Variants in KCNN3 observed in about 807,000 individuals in gnomAD.
The protein encoded by KCNN3 is potassium calcium-activated channel subfamily N member 3, also known as small conductance calcium-activated potassium channel protein 3.
KCNN3 carries 16 observed loss-of-function variants against 62.9 expected under a neutral mutation model. The ratio of observed to expected loss-of-function variants is 0.25; its 90% CI spans 0.17 to 0.39. The LOEUF (loss-of-function observed/expected upper bound fraction) is 0.39. Among genes scored for constraint, KCNN3 ranks in the 10% least tolerant of loss-of-function variants. The pLI is 1.00. For missense variants in KCNN3, 599 were observed against 949.4 expected, an observed-to-expected ratio of 0.63 and a Z score of 4.85; for synonymous variants, 370 against 389.2, an observed-to-expected ratio of 0.95 and a Z score of 0.58.
chr1:154,868,175 G>A (rs1653025261), intron 1 of KCNN3: 1 of 985,416 alleles, frequency 1.0e-6, no homozygotes, highest in Admixed American at 6.1e-5. Context: ...GGGACCGCCT[G>A]GGAAGCCCTG....
At chr1:154,831,762 C>G (rs948626080) in intron 1 of KCNN3, among the ~76,000 whole-genome samples, 1 of 152,068 alleles carries the variant, frequency 6.6e-6, no homozygotes, top group African/African-American at 2.4e-5. Context: ...GGCTCTTTTT[C>G]AAAGATCTGC....
At chr1:154,821,549 C>A (rs923937588) in intron 2 of KCNN3, among the ~76,000 whole-genome samples, 1 of 152,218 alleles carries the variant, frequency 6.6e-6, no homozygotes, top group Admixed American at 6.5e-5. Flanking sequence ...GAAACAGAGG[C>A]CTTCTCGGCC....
chr1:154,747,479 G>T (rs1211138457), intron 3 of KCNN3, among the ~76,000 whole-genome samples: 1 of 152,174 alleles, frequency 6.6e-6, no homozygotes, highest in Non-Finnish European at 1.5e-5. Flanking sequence ...GTAGTTGAAG[G>T]ATTGACATTT....
chr1:154,821,793 G>C, intron 2 of KCNN3, among the ~76,000 whole-genome samples: 1 of 152,254 alleles, frequency 6.6e-6, no homozygotes, highest in East Asian at 1.9e-4. Context: ...GTCCGATGGT[G>C]CTCAGTGAGG....
intron 7 of KCNN3, among the ~76,000 whole-genome samples, chr1:154,710,648 G>C (rs970071106): frequency 1.3e-5 from 2 of 152,216 alleles, no homozygotes; most frequent in East Asian, 1.9e-4. Flanking sequence ...AGAAATGCAG[G>C]CTTGAAAGTT....
intron 7 of KCNN3, among the ~76,000 whole-genome samples, chr1:154,709,965 T>C (rs552084263): frequency 2.6e-5 from 4 of 152,354 alleles, no homozygotes; most frequent in East Asian, 1.9e-4. Context: ...TCCTCATCTA[T>C]ATTGATAATC....
Position 154,707,708 on chromosome 1 carries a change from A to C in KCNN3, c.*268T>G. The stretch of plus-strand genomic sequence containing the variant: ...TGAGCGTGGATTTCTGTTCTCCACC[A>C]ACTCTGCAGCAAGGGCCCTGCCAGA... On this transcript the variant is annotated 3_prime_UTR_variant, in exon 8 of 8. Transcript: ENST00000271915. 2.3e-6 allele frequency: 1 copy of C among 426,050 alleles called. No homozygotes were observed. Among genetic ancestry groups the C allele is most frequent in the Non-Finnish European group, 4.2e-6 (1 of 238,856 alleles). The allele number at this position is 426,050 out of a possible 1,614,324, so 26.4% of individuals were successfully genotyped here. A position where few individuals can be genotyped will look rare whatever the true frequency, so the allele number is the denominator to read the frequency against.
chr1:154,730,380 A>G (rs1442532679), intron 4 of KCNN3, among the ~76,000 whole-genome samples: 1 of 152,198 alleles, frequency 6.6e-6, no homozygotes, highest in Non-Finnish European at 1.5e-5. Flanking sequence ...TTCCCTTCCC[A>G]AGCAGGCCTT....
intron 3 of KCNN3, among the ~76,000 whole-genome samples, chr1:154,764,790 A>G (rs1648181221): frequency 6.6e-6 from 1 of 152,300 alleles, no homozygotes; most frequent in Non-Finnish European, 1.5e-5. Context: ...TTTTGCAACT[A>G]CGCGTAAGTT....
chr1:154,724,328 C>T (rs1452815068), intron 5 of KCNN3, among the ~76,000 whole-genome samples: 2 of 152,172 alleles, frequency 1.3e-5, no homozygotes, highest in Non-Finnish European at 2.9e-5. Flanking sequence ...CACATTTTTG[C>T]TGCTGTGCAA....
chr1:154,733,088 G>A lies in KCNN3; in HGVS notation c.1505C>T (p.Ser502Phe), dbSNP rs1009320885. ...SNFLGAMWLI[S>F]ITFLSIGYGD... The stretch of plus-strand genomic sequence containing the variant: ...ATAACCAATGGAAAGGAATGTGATG[G>A]AGATGAGCCACATGGCACCCAGAAA... The change falls in exon 4 of 8, where the codon TCC (serine) becomes TTC (phenylalanine). Residue 502 changes from serine (S) to phenylalanine (F), a missense_variant. Transcript: ENST00000271915. 1 of 1,614,146 alleles carries A rather than the reference G, an allele frequency of 6.2e-7. No homozygotes were observed. The highest frequency in any genetic ancestry group is 8.5e-7 in the Non-Finnish European group (1 of 1,179,990).
chr1:154,733,495 C>A (rs1004061254), intron 3 of KCNN3, among the ~76,000 whole-genome samples: 2 of 152,188 alleles, frequency 1.3e-5, no homozygotes, highest in African/African-American at 4.8e-5. Flanking sequence ...AGCCGACAGT[C>A]TAAATGTATG....
intron 1 of KCNN3, among the ~76,000 whole-genome samples, chr1:154,836,028 G>A (rs532813869): frequency 6.0e-4 from 91 of 152,308 alleles, no homozygotes; most frequent in African/African-American, 2.1e-3. Flanking sequence ...GCGTCTGGAG[G>A]CAGACTTGCC....
At chr1:154,733,792 G>A (rs746698964) in intron 3 of KCNN3, among the ~76,000 whole-genome samples, 15 of 152,200 alleles carry the variant, frequency 9.9e-5, no homozygotes, top group Non-Finnish European at 1.8e-4. Flanking sequence ...TCCTCTGCCC[G>A]GATGCCTATT....
At chr1:154,849,451 A>G (rs1558006428) in intron 1 of KCNN3, among the ~76,000 whole-genome samples, 1 of 152,208 alleles carries the variant, frequency 6.6e-6, no homozygotes, top group Non-Finnish European at 1.5e-5. Context: ...ATCACAGCTG[A>G]CTAAGCATGC....
rs1378573865 is a variant in KCNN3, at chr1:154,761,832, C to T, written c.1448+10143G>A. Among the ~76,000 whole-genome samples the T allele has an allele frequency of 3.3e-5, 5 of 152,056 alleles. 1 individual carries two copies. The highest frequency in any genetic ancestry group is 3.3e-4 in the Admixed American group (5 of 15,268). ...GCAGGTGCCTGTAATTTCAGCTACTCGGGAGGCTGAGGCAAGATAATTGCT... is the reference window on the plus strand; with the variant it reads ...GCAGGTGCCTGTAATTTCAGCTACTTGGGAGGCTGAGGCAAGATAATTGCT... On this transcript the variant is annotated intron_variant, in intron 3 of 7. Transcript: ENST00000271915.
chr1:154,855,627 G>A lies in KCNN3; in HGVS notation c.933+13405C>T, dbSNP rs528354175. 6.6e-5 allele frequency among the ~76,000 whole-genome samples: 10 copies of A among 152,304 alleles called. No homozygotes were observed. In the South Asian group the frequency reaches 2.1e-3, roughly 32 times the overall value. Reference sequence around the variant, plus strand: ...GCCATGCCACCTAGTCTGTGTAAGTGCACTGCATGATGCTCACACAATGAT... The same window carrying A: ...GCCATGCCACCTAGTCTGTGTAAGTACACTGCATGATGCTCACACAATGAT... On this transcript the variant is annotated intron_variant, in intron 1 of 7. Coordinates refer to ENST00000271915, the MANE Select transcript of KCNN3 (RefSeq NM_002249.6).
chr1:154,842,699 C>T (rs1651890518), intron 1 of KCNN3, among the ~76,000 whole-genome samples: 1 of 144,862 alleles, frequency 6.9e-6, no homozygotes, highest in Non-Finnish European at 1.5e-5. Context: ...ATGCTCAGTG[C>T]TACTTCTGTG....
chr1:154,738,817 A>G (rs1700768050), intron 3 of KCNN3, among the ~76,000 whole-genome samples: 1 of 152,250 alleles, frequency 6.6e-6, no homozygotes. Context: ...TCCAGGAAAA[A>G]TGAAAAGTTC....
Sources: gnomAD v4.1 joint callset for allele counts (sites outside exome capture counted in the v4.1 genomes callset) on GRCh38, gnomAD v4.1.1 for gene constraint, MANE v1.5 for transcripts, NCBI Gene and HGNC (gene_info 2026-07-23, HGNC 2026-07-21) for gene names.